The following FBXL7 variants were observed in gnomAD, a reference collection of about 807,000 sequenced individuals.
FBXL7 encodes the protein F-box/LRR-repeat protein 7.
FBXL7 carries 12 observed loss-of-function variants against 38.3 expected under a neutral mutation model. The ratio of observed to expected loss-of-function variants is 0.31; its 90% CI spans 0.20 to 0.51. The LOEUF (loss-of-function observed/expected upper bound fraction) is 0.51, where lower values mean the gene tolerates loss of function less well. Among genes scored for constraint, FBXL7 ranks in the 20% least tolerant of loss-of-function variants. The pLI, the probability that FBXL7 is intolerant of heterozygous loss-of-function variation, is 0.98. For synonymous variants in FBXL7, 297 were observed against 300.9 expected, an observed-to-expected ratio of 0.99 and a Z score of 0.13; for missense variants, 567 against 676.4, an observed-to-expected ratio of 0.84 and a Z score of 1.79.
intron 2 of FBXL7, among the ~76,000 whole-genome samples, chr5:15,773,883 A>G (rs899532103): frequency 1.3e-5 from 2 of 152,164 alleles, no homozygotes; most frequent in African/African-American, 4.8e-5. Context: ...AAGCAAATGA[A>G]TAGAAGAAAG....
intron 2 of FBXL7, among the ~76,000 whole-genome samples, chr5:15,774,099 C>T (rs1377479218): frequency 1.3e-5 from 2 of 151,886 alleles, no homozygotes; most frequent in Non-Finnish European, 2.9e-5. Context: ...ATCAAGGTGT[C>T]AGCAGGACTG....
chr5:15,936,730 C>T lies in FBXL7; in HGVS notation c.1020C>T (p.Phe340=), dbSNP rs767521209. ...SVSDCRFVSD[F]GLREIAKLES... ...GCGACTGCCGCTTCGTCAGCGACTT[C>T]GGCCTGCGGGAGATCGCCAAGCTGG... The change falls in exon 4 of 4, where the codon TTC becomes TTT. Residue 340 remains phenylalanine, a synonymous_variant. Coordinates refer to ENST00000504595, the MANE Select transcript of FBXL7 (RefSeq NM_012304.5). The surrounding 1 kb of genome is among the most constrained non-coding windows in gnomAD (Gnocchi z 6.0). 8 of 1,608,634 alleles carry T rather than the reference C, an allele frequency of 5.0e-6. No homozygotes were observed. Among genetic ancestry groups the T allele is most frequent in the South Asian group, 2.2e-5 (2 of 90,798 alleles).
At chr5:15,712,487 C>G (rs1561095934) in intron 2 of FBXL7, among the ~76,000 whole-genome samples, 1 of 151,982 alleles carries the variant, frequency 6.6e-6, no homozygotes, top group African/African-American at 2.4e-5. Context: ...GGCTGACTTT[C>G]ACTGTCATTA....
chr5:15,695,531 T>A (rs1215981356), intron 2 of FBXL7, among the ~76,000 whole-genome samples: 1 of 152,158 alleles, frequency 6.6e-6, no homozygotes, highest in Non-Finnish European at 1.5e-5. Flanking sequence ...AGAGGTCCAT[T>A]GGCTGGATAT....
chr5:15,529,098 A>G (rs930596182), intron 1 of FBXL7, among the ~76,000 whole-genome samples: 7 of 152,196 alleles, frequency 4.6e-5, no homozygotes, highest in African/African-American at 1.7e-4. Context: ...GGCACCTGGT[A>G]GCCACCATTC....
intron 2 of FBXL7, among the ~76,000 whole-genome samples, chr5:15,892,777 A>G (rs186904554): frequency 1.1e-4 from 17 of 152,274 alleles, no homozygotes; most frequent in African/African-American, 4.1e-4. Context: ...CATTTTTATA[A>G]CAATGCTGTG....
chr5:15,525,448 T>C (rs1737225597), intron 1 of FBXL7, among the ~76,000 whole-genome samples: 1 of 152,214 alleles, frequency 6.6e-6, no homozygotes, highest in Non-Finnish European at 1.5e-5. Context: ...GATGTCTTGG[T>C]CATGTTTTTC....
At chr5:15,917,089 C>T (rs926291568) in intron 2 of FBXL7, among the ~76,000 whole-genome samples, 20 of 152,156 alleles carry the variant, frequency 1.3e-4, no homozygotes, top group Admixed American at 3.9e-4. Context: ...TCAGATGATA[C>T]AAGCTGCACA....
At chr5:15,888,279 G>A (rs1462092157) in intron 2 of FBXL7, among the ~76,000 whole-genome samples, 1 of 151,594 alleles carries the variant, frequency 6.6e-6, no homozygotes, top group Non-Finnish European at 1.5e-5. Flanking sequence ...CTAGGCTGGA[G>A]TGCAGTGGCG....
At chr5:15,575,124 C>T (rs1738915583) in intron 1 of FBXL7, among the ~76,000 whole-genome samples, 2 of 152,082 alleles carry the variant, frequency 1.3e-5, no homozygotes, top group Admixed American at 6.6e-5. Context: ...AGGACAGCAT[C>T]CACAACAAAG....
At position 15,772,300 on chromosome 5, in the gene FBXL7, TC is replaced by T. The variant is rs1736749898; in HGVS notation, c.128-155588del. 3.3e-5 allele frequency among the ~76,000 whole-genome samples: 5 copies of T among 152,184 alleles called. No individual in the cohort carries two copies. The South Asian group carries it at 1.0e-3, about 32-fold the overall frequency. On this transcript the variant is annotated intron_variant, in intron 2 of 3. Transcript: ENST00000504595. Reference sequence around the variant, plus strand: ...TTACAGGTGCTCGCATCCCTCATGTTCCTGGAAACTGAACTGTGGAATACTT... The same window carrying T: ...TTACAGGTGCTCGCATCCCTCATGTTCTGGAAACTGAACTGTGGAATACTT...
chr5:15,577,261 G>A (rs1042302280), intron 1 of FBXL7, among the ~76,000 whole-genome samples: 5 of 152,142 alleles, frequency 3.3e-5, no homozygotes, highest in African/African-American at 9.7e-5. Context: ...CCACGTCCTC[G>A]TGGCGTTAAT....
intron 2 of FBXL7, among the ~76,000 whole-genome samples, chr5:15,750,937 GAC>G (rs1193920330): frequency 2.0e-5 from 3 of 152,182 alleles, no homozygotes; most frequent in Non-Finnish European, 4.4e-5. Context: ...CATCTGGAAA[GAC>G]ACAATGCACA....
intron 2 of FBXL7, among the ~76,000 whole-genome samples, chr5:15,712,369 C>G (rs1743903272): frequency 7.6e-6 from 1 of 131,920 alleles, no homozygotes; most frequent in South Asian, 2.6e-4. Flanking sequence ...AAAAAAAAAC[C>G]TAAAACGACA....
chr5:15,673,190 C>T (rs925162406), intron 2 of FBXL7, among the ~76,000 whole-genome samples: 1 of 152,080 alleles, frequency 6.6e-6, no homozygotes, highest in African/African-American at 2.4e-5. Context: ...GTGGCGGGCA[C>T]CTGTAATCCC....
At chr5:15,501,195 A>C (rs1362868810) in intron 1 of FBXL7, among the ~76,000 whole-genome samples, 1 of 152,096 alleles carries the variant, frequency 6.6e-6, no homozygotes, top group Non-Finnish European at 1.5e-5. Flanking sequence ...TGACAGCTTC[A>C]TGAAACTAAG....
At chr5:15,881,364 T>C (rs1220886363) in intron 2 of FBXL7, among the ~76,000 whole-genome samples, 3 of 152,208 alleles carry the variant, frequency 2.0e-5, no homozygotes, top group African/African-American at 7.2e-5. Context: ...ATTTTGTTTC[T>C]TTTATGGCTG....
intron 3 of FBXL7, among the ~76,000 whole-genome samples, chr5:15,933,585 A>G (rs1742096456): frequency 6.6e-6 from 1 of 152,220 alleles, no homozygotes; most frequent in African/African-American, 2.4e-5. Context: ...TTGCAAAACC[A>G]CAAAGCCCAC....
chr5:15,525,609 TG>T (rs1170971618), intron 1 of FBXL7, among the ~76,000 whole-genome samples: 1 of 151,674 alleles, frequency 6.6e-6, no homozygotes, highest in African/African-American at 2.4e-5. Context: ...TGTGTGTGTG[TG>T]GGGGGTGGGG....
Sources: gnomAD v4.1 joint callset for allele counts (sites outside exome capture counted in the v4.1 genomes callset) on GRCh38, gnomAD v4.1.1 for gene constraint, Gnocchi (gnomAD v3.1) non-coding constraint, MANE v1.5 for transcripts, NCBI Gene and HGNC (gene_info 2026-07-23, HGNC 2026-07-21) for gene names.